The following BMAL1 variants were observed in gnomAD, a reference collection of about 807,000 sequenced individuals.
BMAL1 encodes basic helix-loop-helix ARNT-like protein 1.
At chr11:13,352,088 A>G in the BMAL1 span, among the ~76,000 whole-genome samples, 1 of 152,126 alleles carries the variant, frequency 6.6e-6, no homozygotes, top group Non-Finnish European at 1.5e-5. Context: ...TGGGAGAGGT[A>G]GAATCCAGGC....
At chr11:13,284,124 GTGTGTATATATATATATA>G in the BMAL1 span, among the ~76,000 whole-genome samples, 296 of 106,292 alleles carry the variant, frequency 2.8e-3, 26 homozygotes, top group Middle Eastern at 9.6e-3. Context: ...ATATATGTGT[GTGTGTATATATATATATA>G]TGTGTATATA....
the BMAL1 span, among the ~76,000 whole-genome samples, chr11:13,304,636 G>A: frequency 6.6e-6 from 1 of 152,162 alleles, no homozygotes; most frequent in Non-Finnish European, 1.5e-5. Context: ...GCAGCACTGG[G>A]AATTGTCTCA....
At chr11:13,317,070 G>A in the BMAL1 span, among the ~76,000 whole-genome samples, 1 of 152,168 alleles carries the variant, frequency 6.6e-6, no homozygotes, top group African/African-American at 2.4e-5. Context: ...GAATGAAGAT[G>A]TGCTTAGCAC....
chr11:13,284,891 C>A, the BMAL1 span, among the ~76,000 whole-genome samples: 131 of 152,270 alleles, frequency 8.6e-4, no homozygotes, highest in Middle Eastern at 3.4e-3. Context: ...TCCTCCTCCC[C>A]AGCCCTGCTT....
At chr11:13,343,885 T>G in the BMAL1 span, among the ~76,000 whole-genome samples, 2 of 152,168 alleles carry the variant, frequency 1.3e-5, no homozygotes, top group Non-Finnish European at 2.9e-5. Context: ...TTTACAAATC[T>G]TACCCCTTGC....
the BMAL1 span, among the ~76,000 whole-genome samples, chr11:13,291,366 C>T: frequency 6.6e-6 from 1 of 152,142 alleles, no homozygotes; most frequent in Non-Finnish European, 1.5e-5. Context: ...AGCAAAATCT[C>T]TGTTTTTAAG....
chr11:13,378,486 C>G, the BMAL1 span: 1 of 1,579,110 alleles, frequency 6.3e-7, no homozygotes, highest in South Asian at 1.2e-5. Flanking sequence ...ACCAGTGGTT[C>G]TCAACCCAGG....
At chr11:13,377,694 A>G in the BMAL1 span, among the ~76,000 whole-genome samples, 2 of 152,198 alleles carry the variant, frequency 1.3e-5, no homozygotes, top group Non-Finnish European at 2.9e-5. Flanking sequence ...GAGGCCCCTC[A>G]TGATCGGATT....
chr11:13,355,065 G>A, the BMAL1 span: 3 of 558,320 alleles, frequency 5.4e-6, no homozygotes, highest in African/African-American at 1.9e-5. Context: ...CAAACACCTA[G>A]GGAATAAGGC....
At chr11:13,283,790 A>G in the BMAL1 span, among the ~76,000 whole-genome samples, 2 of 152,018 alleles carry the variant, frequency 1.3e-5, no homozygotes, top group Non-Finnish European at 2.9e-5. Flanking sequence ...GGGGCTTGTG[A>G]ACATTCTCCT....
the BMAL1 span, among the ~76,000 whole-genome samples, chr11:13,286,896 G>A: frequency 6.6e-6 from 1 of 152,188 alleles, no homozygotes; most frequent in African/African-American, 2.4e-5. Flanking sequence ...GAGTTTGCAG[G>A]AGAGAGCAGA....
At chr11:13,311,209 G>A in the BMAL1 span, among the ~76,000 whole-genome samples, 1 of 152,238 alleles carries the variant, frequency 6.6e-6, no homozygotes, top group African/African-American at 2.4e-5. Context: ...TGGAAATGCA[G>A]GGCTGAAGCC....
chr11:13,362,950 T>G, the BMAL1 span, among the ~76,000 whole-genome samples: 2 of 151,946 alleles, frequency 1.3e-5, no homozygotes, highest in Non-Finnish European at 2.9e-5. Flanking sequence ...GATCTGCAGC[T>G]GTAGATGTGA....
chr11:13,320,552 A>C, the BMAL1 span, among the ~76,000 whole-genome samples: 1 of 152,244 alleles, frequency 6.6e-6, no homozygotes, highest in Non-Finnish European at 1.5e-5. Flanking sequence ...CAAAGTAGGG[A>C]CAGTAATTCT....
the BMAL1 span, among the ~76,000 whole-genome samples, chr11:13,327,234 GA>G: frequency 1.1e-3 from 119 of 105,040 alleles, no homozygotes; most frequent in East Asian, 4.2e-3. Context: ...TCTCTTTTAT[GA>G]AAAAAAAAAA....
At chr11:13,305,223 C>G in the BMAL1 span, among the ~76,000 whole-genome samples, 4 of 152,126 alleles carry the variant, frequency 2.6e-5, no homozygotes, top group East Asian at 7.7e-4. Context: ...AGATGCTGGG[C>G]CCCCGCTAGG....
At chr11:13,298,092 C>T in the BMAL1 span, among the ~76,000 whole-genome samples, 1 of 152,188 alleles carries the variant, frequency 6.6e-6, no homozygotes, top group Non-Finnish European at 1.5e-5. Context: ...ACCCCAAGGC[C>T]ATGGTGTATG....
chr11:13,298,606 A>G, the BMAL1 span, among the ~76,000 whole-genome samples: 2 of 152,198 alleles, frequency 1.3e-5, no homozygotes, highest in Admixed American at 6.5e-5. Flanking sequence ...CTGTATCCCC[A>G]GTGCCTGGAT....
the BMAL1 span, among the ~76,000 whole-genome samples, chr11:13,319,548 A>G: frequency 1.3e-5 from 2 of 152,220 alleles, no homozygotes; most frequent in African/African-American, 4.8e-5. Context: ...AAATAATGCC[A>G]TCAAAATTAC....
Sources: gnomAD v4.1 joint callset for allele counts (sites outside exome capture counted in the v4.1 genomes callset) on GRCh38, gnomAD v4.1.1 for gene constraint, MANE v1.5 for transcripts, NCBI Gene and HGNC (gene_info 2026-07-23, HGNC 2026-07-21) for gene names.